Variants in KIAA1328 observed in about 807,000 individuals in gnomAD.
KIAA1328 encodes KIAA1328, also known as protein hinderin.
In KIAA1328, 52 loss-of-function variants were observed where a neutral mutation model predicts 68.1. The observed-to-expected ratio is 0.76, with a 90% CI of 0.61 to 0.96. The LOEUF is 0.96. Among genes scored for constraint, KIAA1328 ranks in the 40% least tolerant of loss-of-function variants. The pLI is 0.00. For missense variants in KIAA1328, 641 were observed against 677.6 expected (o/e 0.95, Z 0.60); for synonymous variants, 232 against 239.4 (o/e 0.97, Z 0.28).
chr18:37,206,372 A>G (rs1478693183), intron 9 of KIAA1328, among the ~76,000 whole-genome samples: 1 of 152,182 alleles, frequency 6.6e-6, no homozygotes, highest in Non-Finnish European at 1.5e-5. Context: ...GGTAGTATCT[A>G]TGAGGAACAT....
At chr18:37,135,256 G>C (rs1230570533) in intron 7 of KIAA1328, among the ~76,000 whole-genome samples, 1 of 152,176 alleles carries the variant, frequency 6.6e-6, no homozygotes, top group Admixed American at 6.5e-5. Context: ...GCTGTTTTAA[G>C]TTCTTTGAGA....
intron 6 of KIAA1328, among the ~76,000 whole-genome samples, chr18:37,062,744 C>T (rs536166503): frequency 1.2e-4 from 19 of 152,174 alleles, no homozygotes; most frequent in Middle Eastern, 3.4e-3. Context: ...CGTGAGCCAC[C>T]GCGCCCGGCC....
At chr18:37,027,060 G>A (rs1292231716) in intron 6 of KIAA1328, among the ~76,000 whole-genome samples, 1 of 150,932 alleles carries the variant, frequency 6.6e-6, no homozygotes, top group African/African-American at 2.4e-5. Context: ...AAAATCACAA[G>A]CATTCTTTAC....
downstream of KIAA1328, among the ~76,000 whole-genome samples, chr18:37,226,038 A>C (rs1185744856): frequency 6.6e-6 from 1 of 152,154 alleles, no homozygotes; most frequent in African/African-American, 2.4e-5. Flanking sequence ...ATTTGAAAAA[A>C]ATACCCTGTG....
intron 9 of KIAA1328, among the ~76,000 whole-genome samples, chr18:37,205,654 A>G (rs2060203169): frequency 6.6e-6 from 1 of 152,236 alleles, no homozygotes; most frequent in African/African-American, 2.4e-5. Flanking sequence ...TAATTCTTAT[A>G]AATGTTTCCC....
chr18:36,992,543 T>A (rs193142525), intron 6 of KIAA1328, among the ~76,000 whole-genome samples: 1 of 152,120 alleles, frequency 6.6e-6, no homozygotes, highest in Admixed American at 6.5e-5. Context: ...TGTTGCATGT[T>A]CCTCTTTCCT....
chr18:36,897,972 T>C (rs1182313982), intron 5 of KIAA1328, among the ~76,000 whole-genome samples: 2 of 152,064 alleles, frequency 1.3e-5, no homozygotes, highest in Non-Finnish European at 2.9e-5. Context: ...AAATATGATT[T>C]ATCTCAATGA....
intron 4 of KIAA1328, among the ~76,000 whole-genome samples, chr18:36,883,873 A>G (rs1019525271): frequency 7.9e-5 from 12 of 150,978 alleles, no homozygotes; most frequent in African/African-American, 2.9e-4. Context: ...TGCCTAAATC[A>G]TAGTATGGTA....
intron 7 of KIAA1328, among the ~76,000 whole-genome samples, chr18:37,132,685 A>T (rs950703518): frequency 1.3e-5 from 2 of 152,210 alleles, no homozygotes; most frequent in Admixed American, 1.3e-4. Context: ...TTTATTGATA[A>T]TATAGGAATA....
chr18:36,968,097 C>A (rs1374471898), intron 6 of KIAA1328, among the ~76,000 whole-genome samples: 1 of 152,074 alleles, frequency 6.6e-6, no homozygotes, highest in Non-Finnish European at 1.5e-5. Flanking sequence ...TACCACCAGA[C>A]CTGCTTTACA....
chr18:36,924,960 A>G (rs2050059569), intron 5 of KIAA1328: 1 of 152,190 alleles, frequency 6.6e-6, no homozygotes, highest in Admixed American at 6.5e-5. Flanking sequence ...AACACCAAGC[A>G]AATTCAGACC....
Position 37,096,223 on chromosome 18 carries a change from C to T in KIAA1328, c.1232+28678C>T, listed in dbSNP as rs531467831. Among the ~76,000 whole-genome samples, 12 of 152,286 alleles carry T rather than the reference C, an allele frequency of 7.9e-5. No individual in the cohort carries two copies. In the East Asian group the frequency reaches 1.5e-3, roughly 20 times the overall value. ...GGTATATCTCCTAATGCTATCCCTC[C>T]CCGCTCCGCCCACCCCACAACAGGC... On this transcript the variant is annotated intron_variant, in intron 7 of 9. Coordinates refer to ENST00000280020, the MANE Select transcript of KIAA1328 (RefSeq NM_020776.3).
chr18:37,041,783 T>TA (rs2055261591), intron 6 of KIAA1328, among the ~76,000 whole-genome samples: 1 of 152,170 alleles, frequency 6.6e-6, no homozygotes, highest in South Asian at 2.1e-4. Flanking sequence ...ACAGTCTTCT[T>TA]AAGGTGAATA....
chr18:37,155,156 C>T (rs1439598106), intron 7 of KIAA1328, among the ~76,000 whole-genome samples: 1 of 152,078 alleles, frequency 6.6e-6, no homozygotes, highest in Admixed American at 6.6e-5. Context: ...AAACCTTCAC[C>T]TCTCTTCTCA....
intron 6 of KIAA1328, among the ~76,000 whole-genome samples, chr18:37,024,859 G>A (rs765657111): frequency 6.6e-6 from 1 of 152,096 alleles, no homozygotes; most frequent in Non-Finnish European, 1.5e-5. Flanking sequence ...TGTCTTTATA[G>A]CAGCATGATT....
chr18:37,180,906 A>G (rs1418413062), intron 9 of KIAA1328, among the ~76,000 whole-genome samples: 1 of 152,154 alleles, frequency 6.6e-6, no homozygotes, highest in African/African-American at 2.4e-5. Flanking sequence ...AATGCCAGTT[A>G]TGTATCAGGT....
At chr18:36,959,144 G>A (rs1462612093) in intron 5 of KIAA1328, among the ~76,000 whole-genome samples, 164 bp from the exon 6 acceptor site, 1 of 152,008 alleles carries the variant, frequency 6.6e-6, no homozygotes, top group Non-Finnish European at 1.5e-5. Context: ...TGATTTTCGG[G>A]GAGAAATACA....
chr18:37,032,482 T>C (rs1273373909), intron 6 of KIAA1328, among the ~76,000 whole-genome samples: 1 of 152,164 alleles, frequency 6.6e-6, no homozygotes, highest in African/African-American at 2.4e-5. Context: ...TGTTTGTTTA[T>C]GGTCATGCAG....
chr18:37,043,571 G>A (rs1163685740), intron 6 of KIAA1328, among the ~76,000 whole-genome samples: 2 of 152,114 alleles, frequency 1.3e-5, no homozygotes, highest in Non-Finnish European at 2.9e-5. Context: ...TTTGAAAACA[G>A]ATGATTATTG....
Sources: gnomAD v4.1 joint callset for allele counts (sites outside exome capture counted in the v4.1 genomes callset) on GRCh38, gnomAD v4.1.1 for gene constraint, MANE v1.5 for transcripts, NCBI Gene and HGNC (gene_info 2026-07-23, HGNC 2026-07-21) for gene names.